Variants in GLB1 observed in about 807,000 individuals in gnomAD.
GLB1 encodes galactosidase beta 1.
GLB1 carries 56 observed loss-of-function variants against 74.0 expected under a neutral mutation model. The observed-to-expected ratio is 0.76, with a 90% CI of 0.61 to 0.94. The LOEUF (loss-of-function observed/expected upper bound fraction) is 0.94, where lower values mean the gene tolerates loss of function less well. Ranked by LOEUF, GLB1 falls within the 40% of genes least tolerant of loss-of-function variation. The pLI, the probability that GLB1 is intolerant of heterozygous loss-of-function variation, is 0.00. For synonymous variants in GLB1, 323 were observed against 323.6 expected (o/e 1.00, Z 0.02); for missense variants, 787 against 845.5 (o/e 0.93, Z 0.86).
intron 1 of GLB1, among the ~76,000 whole-genome samples, chr3:33,073,272 C>A (rs987857003): frequency 6.6e-6 from 1 of 152,150 alleles, no homozygotes; most frequent in African/African-American, 2.4e-5. Context: ...TCATCCATAA[C>A]TATCCAGGGT....
chr3:33,002,329 C>CTCCCTCCCTCCT (rs1696606036), intron 15 of GLB1, among the ~76,000 whole-genome samples: 1 of 99,772 alleles, frequency 1.0e-5, no homozygotes, highest in Non-Finnish European at 2.2e-5. Context: ...AAAAGTCTCC[C>CTCCCTCCCTCCT]TCCCTCCCTC....
At chr3:33,005,334 C>T (rs763540686) in intron 15 of GLB1, among the ~76,000 whole-genome samples, 20 of 152,096 alleles carry the variant, frequency 1.3e-4, no homozygotes, top group Non-Finnish European at 1.9e-4. Flanking sequence ...ATATCAATCC[C>T]TCTGCACAAA....
chr3:33,056,144 T>C (rs1699206802), intron 6 of GLB1, among the ~76,000 whole-genome samples: 1 of 143,248 alleles, frequency 7.0e-6, no homozygotes, highest in Non-Finnish European at 1.5e-5. Context: ...AGGAGAATGC[T>C]TGAACCCAGG....
Position 33,097,094 on chromosome 3 carries a change from G to A in GLB1, c.-9C>T. The A allele has an allele frequency of 6.2e-7, 1 of 1,612,192 alleles. No homozygotes were observed. Among genetic ancestry groups the A allele is most frequent in the Non-Finnish European group, 8.5e-7 (1 of 1,178,942 alleles). Reference sequence around the variant, plus strand: ...ACCAGGAACCCCGGCATGACCACCAGCCTCCCGGCTCTGCAGTCGGCGCCC... The same window carrying A: ...ACCAGGAACCCCGGCATGACCACCAACCTCCCGGCTCTGCAGTCGGCGCCC... On this transcript the variant is annotated 5_prime_UTR_variant, in exon 1 of 16. Transcript: ENST00000307363.
intron 9 of GLB1, among the ~76,000 whole-genome samples, chr3:33,048,008 T>G (rs1218782548): frequency 1.3e-5 from 2 of 152,022 alleles, no homozygotes; most frequent in Non-Finnish European, 2.9e-5. Flanking sequence ...TTTGTGGCCC[T>G]CGTCTGCTTC....
the GLB1 span, among the ~76,000 whole-genome samples, chr3:32,986,549 G>A: frequency 6.6e-6 from 1 of 151,616 alleles, no homozygotes; most frequent in South Asian, 2.1e-4. Flanking sequence ...CGCCGTGAAT[G>A]GTCTTTCTCT....
At chr3:33,073,285 T>G (rs946362649) in intron 1 of GLB1, among the ~76,000 whole-genome samples, 1 of 152,220 alleles carries the variant, frequency 6.6e-6, no homozygotes, top group Non-Finnish European at 1.5e-5. Flanking sequence ...TCCAGGGTAT[T>G]AGACTAAAAG....
In GLB1 at chr3:33,097,086, G is replaced by A; in HGVS notation, c.-1C>T. The A allele has an allele frequency of 1.2e-6, 2 of 1,612,474 alleles. No homozygotes were observed. The highest frequency in any genetic ancestry group is 1.7e-6 in the Non-Finnish European group (2 of 1,179,050). On this transcript the variant is annotated 5_prime_UTR_variant, in exon 1 of 16. Coordinates refer to ENST00000307363, the MANE Select transcript of GLB1 (RefSeq NM_000404.4). ...GGATGCGAACCAGGAACCCCGGCAT[G>A]ACCACCAGCCTCCCGGCTCTGCAGT...
At chr3:33,043,944 A>G (rs1174433132) in intron 10 of GLB1, among the ~76,000 whole-genome samples, 1 of 152,094 alleles carries the variant, frequency 6.6e-6, no homozygotes, top group Admixed American at 6.6e-5. Flanking sequence ...GTAATTCTCA[A>G]TTTGCCCACC....
intron 5 of GLB1, among the ~76,000 whole-genome samples, chr3:33,062,020 AC>A (rs1699462659): frequency 1.3e-5 from 2 of 152,156 alleles, no homozygotes; most frequent in Non-Finnish European, 2.9e-5. Flanking sequence ...ACTCATTTTT[AC>A]CCTGGCTGCA....
At chr3:32,964,183 CCAAGA>C in the GLB1 span, among the ~76,000 whole-genome samples, 1 of 152,180 alleles carries the variant, frequency 6.6e-6, no homozygotes, top group African/African-American at 2.4e-5. Flanking sequence ...AAGATCTGCA[CCAAGA>C]CTAGACTGTA....
chr3:33,062,652 G>A (rs1026237450), intron 5 of GLB1, among the ~76,000 whole-genome samples: 3 of 152,124 alleles, frequency 2.0e-5, no homozygotes, highest in African/African-American at 7.2e-5. Context: ...AGCTGGCGTG[G>A]TTGCCCGCAC....
At chr3:32,971,372 C>T in the GLB1 span, among the ~76,000 whole-genome samples, 2 of 152,228 alleles carry the variant, frequency 1.3e-5, no homozygotes, top group African/African-American at 4.8e-5. Flanking sequence ...GTCCATAAGT[C>T]ATTCTATGAG....
At chr3:33,056,864 C>T (rs893078433) in intron 6 of GLB1, among the ~76,000 whole-genome samples, 1 of 152,168 alleles carries the variant, frequency 6.6e-6, no homozygotes, top group East Asian at 1.9e-4. Context: ...TATACTGATA[C>T]AGTACTCTTA....
chr3:33,018,342 G>C, intron 13 of GLB1, 106 bp downstream of exon 13: 1 of 719,586 alleles, frequency 1.4e-6, no homozygotes. Context: ...GGTAGAGCCT[G>C]AGGCTGAAAA....
At chr3:33,096,593 G>C in intron 1 of GLB1, 1 of 1,037,852 alleles carries the variant, frequency 9.6e-7, no homozygotes, top group Non-Finnish European at 1.2e-6. Flanking sequence ...TTCTCCTTCC[G>C]GAGCGCTCCG....
chr3:33,024,566 C>A, intron 10 of GLB1: 2 of 483,808 alleles, frequency 4.1e-6, no homozygotes, highest in South Asian at 2.6e-5. Flanking sequence ...CGAAAGACCT[C>A]AAAACAAAAG....
intron 15 of GLB1, among the ~76,000 whole-genome samples, chr3:33,009,010 A>G (rs927589599): frequency 1.3e-5 from 2 of 151,712 alleles, no homozygotes; most frequent in Non-Finnish European, 1.5e-5. Context: ...TCCCAGCTAC[A>G]TGGGAGGCTG....
intron 1 of GLB1, among the ~76,000 whole-genome samples, chr3:33,082,777 G>A (rs9868526): frequency 0.22 from 32,838 of 152,044 alleles, 5,619 homozygotes; most frequent in African/African-American, 0.46. Context: ...TGTATCACAC[G>A]AGACCTGGAC....
Sources: gnomAD v4.1 joint callset for allele counts (sites outside exome capture counted in the v4.1 genomes callset) on GRCh38, gnomAD v4.1.1 for gene constraint, MANE v1.5 for transcripts, NCBI Gene and HGNC (gene_info 2026-07-23, HGNC 2026-07-21) for gene names.